The following PLTP variants were observed in gnomAD, a reference collection of about 807,000 sequenced individuals.
The protein encoded by PLTP is BPI fold containing family E.
In PLTP, 43 loss-of-function variants were observed where a neutral mutation model predicts 54.1. The ratio of observed to expected loss-of-function variants is 0.79; its 90% confidence interval spans 0.62 to 1.02. The LOEUF (loss-of-function observed/expected upper bound fraction) is 1.02, where lower values mean the gene tolerates loss of function less well. PLTP is among the 50% of genes least tolerant of loss of function. PLTP has a pLI of 0.00. For synonymous variants in PLTP, 263 were observed against 264.6 expected (o/e 0.99, Z 0.06); for missense variants, 604 against 645.9 (o/e 0.94, Z 0.70).
chr20:45,898,853 G>A lies in PLTP; in HGVS notation c.*88C>T. On this transcript the variant is annotated 3_prime_UTR_variant, in exon 16 of 16. Coordinates refer to ENST00000372431, the MANE Select transcript of PLTP (RefSeq NM_006227.4). The surrounding 1 kb of genome is among the most constrained non-coding windows in gnomAD (Gnocchi z 4.6). ...TTCTCTGTGGCACTGGGGGTTAGAG[G>A]GGGCACTACAGGCTATGAATGTGGG... is the stretch of plus-strand genomic sequence containing the variant. The A allele has an allele frequency of 6.9e-7, 1 of 1,449,488 alleles. No individual in the cohort carries two copies. Among genetic ancestry groups the A allele is most frequent in the Non-Finnish European group, 9.4e-7 (1 of 1,058,918 alleles). 89.8% of individuals were successfully genotyped at this position (1,449,488 alleles called of 1,614,324 possible).
At chr20:45,904,764 G>A (rs2083222642) in intron 10 of PLTP, 36 bp downstream of exon 10, 3 of 1,606,950 alleles carry the variant, frequency 1.9e-6, no homozygotes, top group Non-Finnish European at 2.6e-6. Flanking sequence ...TCACTGGTGT[G>A]CAGGTGGCCC....
chr20:45,902,541 T>A lies in PLTP; in HGVS notation c.1006A>T (p.Thr336Ser), dbSNP rs1337942562. The part of the protein sequence containing the change: ...ELRVLAPPRC[T>S]IKPSGTTISV... ...ATGGTGGTGCCAGAGGGCTTGATGG[T>A]GCAGCGCGGTGGGGCCAGGACCCGC... Residue 336 changes from threonine to serine, a missense_variant, in exon 11 of 16, where the codon ACC (threonine) becomes TCC (serine). Transcript: ENST00000372431. 1 of 1,614,042 alleles carries A rather than the reference T, an allele frequency of 6.2e-7. No individual in the cohort carries two copies. The highest frequency in any genetic ancestry group is 1.7e-5 in the Admixed American group (1 of 60,022).
Position 45,911,393 on chromosome 20 carries a change from T to C in PLTP, c.60A>G (p.Pro20=). ...TGGAGGTGACGCGGATCTTGCAGCC[T>C]GGGAACTCTGCATGTGCGCCTGCCA... is the stretch of plus-strand genomic sequence containing the variant. ...ALLAGAHAEF[P]GCKIRVTSKA... The change falls in exon 2 of 16, where the codon CCA becomes CCG. Residue 20 remains proline (P), a synonymous_variant. Coordinates refer to ENST00000372431, the MANE Select transcript of PLTP (RefSeq NM_006227.4). 1.2e-6 allele frequency: 2 copies of C among 1,610,506 alleles called. No individual in the cohort carries two copies. Among genetic ancestry groups the C allele is most frequent in the Non-Finnish European group, 1.7e-6 (2 of 1,179,980 alleles).
intron 12 of PLTP, among the ~76,000 whole-genome samples, chr20:45,901,678 A>C (rs2083185109): frequency 6.6e-6 from 1 of 152,046 alleles, no homozygotes; most frequent in Admixed American, 6.6e-5. Flanking sequence ...GGGGCAGGTG[A>C]ATCACCTGAG....
intron 10 of PLTP, 152 bp from the exon 11 acceptor site, chr20:45,902,756 A>G: frequency 1.4e-6 from 1 of 728,340 alleles, no homozygotes; most frequent in South Asian, 1.9e-5. Flanking sequence ...AAACTCTCAC[A>G]TCTGCATCTA....
chr20:45,902,596 T>G lies in PLTP; in HGVS notation c.951A>C (p.Ala317=). ...CCAGCTTCAATGGGGAGTCAATCAC[T>G]GCTGGGCTCTGGGGGATGAGCAGCA... ...YFGSIVLLSP[A]VIDSPLKLEL... The change falls in exon 11 of 16, where the codon GCA becomes GCC. Residue 317 remains alanine, a synonymous_variant. Transcript: ENST00000372431. 1.2e-6 allele frequency: 2 copies of G among 1,607,812 alleles called. No individual in the cohort carries two copies. Among genetic ancestry groups the G allele is most frequent in the Non-Finnish European group, 1.7e-6 (2 of 1,176,762 alleles).
intron 1 of PLTP, 138 bp downstream of exon 1, chr20:45,911,941 A>G (rs983520368): frequency 1.4e-5 from 3 of 218,428 alleles, no homozygotes; most frequent in African/African-American, 2.3e-5. Flanking sequence ...CAGGTCCTAA[A>G]TCTCTCCCAT....
chr20:45,899,326 C>T (rs1184611446), intron 15 of PLTP, 136 bp downstream of exon 15: 7 of 988,552 alleles, frequency 7.1e-6, no homozygotes, highest in Admixed American at 2.0e-5. Context: ...GTGTGTGCAA[C>T]GGCTTTTAGG....
intron 12 of PLTP, among the ~76,000 whole-genome samples, chr20:45,901,947 G>GCCTCAAGGT (rs552486613): frequency 2.0e-3 from 299 of 151,852 alleles, no homozygotes; most frequent in African/African-American, 7.1e-3. Context: ...AGATAAAATG[G>GCCTCAAGGT]CCTCAAGGTC....
At chr20:45,910,809 G>A in intron 3 of PLTP, 1 of 1,210,014 alleles carries the variant, frequency 8.3e-7, no homozygotes, top group South Asian at 1.6e-5. Flanking sequence ...CCACCCCTCC[G>A]ATTAACTCCA....
chr20:45,902,215 C>T, intron 12 of PLTP, 52 bp downstream of exon 12: 2 of 1,572,796 alleles, frequency 1.3e-6, no homozygotes, highest in Admixed American at 1.7e-5. Context: ...TCCCTGTGGA[C>T]AGGTGTGATT....
At chr20:45,903,904 G>T (rs558427874) in intron 10 of PLTP, among the ~76,000 whole-genome samples, 37 of 152,170 alleles carry the variant, frequency 2.4e-4, no homozygotes, top group South Asian at 1.5e-3. Context: ...TCACTGTGTT[G>T]CCCAGGCTGG....
In PLTP at chr20:45,911,149, TACTC is replaced by T; in HGVS notation, c.199_200+2del. 2 of 1,613,282 alleles carry T rather than the reference TACTC, an allele frequency of 1.2e-6. No individual in the cohort carries two copies. Among genetic ancestry groups the T allele is most frequent in the Non-Finnish European group, 1.7e-6 (2 of 1,179,234 alleles). The stretch of plus-strand genomic sequence containing the variant: ...GGATCGCGAGGCCCCGCCCCCCACT[TACTC>T]AGAGATGTTGTAGTAGAAGTGGCCT... On this transcript the variant is annotated splice_donor_variant and coding_sequence_variant, in exon 3 of 16. Transcript: ENST00000372431. LOFTEE classifies it high-confidence loss of function.
Position 45,899,921 on chromosome 20 carries a change from C to T in PLTP, c.1176-43G>A, listed in dbSNP as rs769342957. On this transcript the variant is annotated intron_variant, in intron 12 of 15. Transcript: ENST00000372431. The stretch of plus-strand genomic sequence containing the variant: ...GCCCTGTGGGCAGGAAGCCTGGAAG[C>T]TCCCCTTCCTCAGGCCACCCAGGCC... The T allele has an allele frequency of 2.0e-6, 3 of 1,533,242 alleles. No homozygotes were observed. In the South Asian group the frequency reaches 3.6e-5, roughly 18 times the overall value. 95.0% of individuals were successfully genotyped at this position (1,533,242 alleles called of 1,614,324 possible). A position where few individuals can be genotyped will look rare whatever the true frequency, so the allele number is the denominator to read the frequency against.
chr20:45,899,361 C>T (rs1180933069), intron 15 of PLTP, 101 bp downstream of exon 15: 28 of 1,266,264 alleles, frequency 2.2e-5, no homozygotes, highest in African/African-American at 7.4e-5. Flanking sequence ...ATGGGAGGGG[C>T]GACTGGTAAT....
intron 10 of PLTP, 64 bp from the exon 11 acceptor site, chr20:45,902,668 A>C: frequency 6.7e-7 from 1 of 1,481,932 alleles, no homozygotes; most frequent in Non-Finnish European, 9.1e-7. Context: ...CCCAGGGAAG[A>C]AGGGGAAGGA....
intron 7 of PLTP, 61 bp from the exon 8 acceptor site, chr20:45,906,420 T>G: frequency 1.5e-6 from 2 of 1,310,664 alleles, no homozygotes; most frequent in Non-Finnish European, 2.2e-6. Flanking sequence ...GCTTAACCTC[T>G]CCAGGCTCAG....
At chr20:45,909,325 G>A (rs1407789150) in intron 5 of PLTP, among the ~76,000 whole-genome samples, 191 bp downstream of exon 5, 1 of 150,824 alleles carries the variant, frequency 6.6e-6, no homozygotes, top group Non-Finnish European at 1.5e-5. Context: ...TTATAAAATA[G>A]GATCTTATAA....
In PLTP at chr20:45,898,834, G is replaced by A; in HGVS notation, c.*107C>T. On this transcript the variant is annotated 3_prime_UTR_variant, in exon 16 of 16. Coordinates refer to ENST00000372431, the MANE Select transcript of PLTP (RefSeq NM_006227.4). The surrounding 1 kb of genome is among the most constrained non-coding windows in gnomAD (Gnocchi z 4.6). ...TACAGCTTCAAATCCCGTCTTCTCT[G>A]TGGCACTGGGGGTTAGAGGGGGCAC... 2 of 1,265,766 alleles carry A rather than the reference G, an allele frequency of 1.6e-6. No individual in the cohort carries two copies. Among genetic ancestry groups the A allele is most frequent in the Non-Finnish European group, 2.2e-6 (2 of 909,946 alleles). The allele number at this position is 1,265,766 out of a possible 1,614,324, so 78.4% of individuals were successfully genotyped here.
Sources: allele counts gnomAD v4.1 joint callset (sites outside exome capture counted in the v4.1 genomes callset), GRCh38; gene constraint gnomAD v4.1.1; non-coding constraint Gnocchi (gnomAD v3.1); transcripts MANE v1.5; gene names NCBI Gene and HGNC (gene_info 2026-07-23, HGNC 2026-07-21).